Variants in AUTS2 observed in about 807,000 individuals in gnomAD.
AUTS2 encodes the protein autism susceptibility gene 2 protein.
In AUTS2, 17 loss-of-function variants were observed where a neutral mutation model predicts 112.4. The observed-to-expected ratio is 0.15, with a 90% CI of 0.10 to 0.23. AUTS2 has a LOEUF of 0.23. Among genes scored for constraint, AUTS2 ranks in the 10% least tolerant of loss-of-function variants. AUTS2 has a pLI of 1.00. For synonymous variants in AUTS2, 751 were observed against 702.7 expected (o/e 1.07, Z -1.09); for missense variants, 1,510 against 1,701.6 (o/e 0.89, Z 1.98).
chr7:70,018,224 C>T (rs114358009), intron 2 of AUTS2, among the ~76,000 whole-genome samples: 4,422 of 151,602 alleles, frequency 0.029, 242 homozygotes, highest in African/African-American at 0.1. Context: ...TTTTTTAACG[C>T]CTTTAACTAC....
intron 2 of AUTS2, 110 bp downstream of exon 2, chr7:69,899,608 C>A: frequency 9.9e-7 from 1 of 1,012,730 alleles, no homozygotes; most frequent in Non-Finnish European, 1.5e-6. Flanking sequence ...TGGTGGGATG[C>A]TGAAGTGGTT....
intron 1 of AUTS2, among the ~76,000 whole-genome samples, chr7:69,843,221 A>G (rs1407296620): frequency 1.3e-5 from 2 of 152,198 alleles, no homozygotes; most frequent in African/African-American, 4.8e-5. Flanking sequence ...AGAGGTGGTC[A>G]GGAAATATCT....
At chr7:69,967,219 TG>T (rs1402950951) in intron 2 of AUTS2, among the ~76,000 whole-genome samples, 1 of 152,178 alleles carries the variant, frequency 6.6e-6, no homozygotes, top group African/African-American at 2.4e-5. Context: ...AAATAATGTT[TG>T]GCCAGGTGTT....
At chr7:69,638,177 C>G (rs903518530) in intron 1 of AUTS2, among the ~76,000 whole-genome samples, 2 of 152,114 alleles carry the variant, frequency 1.3e-5, no homozygotes, top group East Asian at 3.9e-4. Flanking sequence ...TGCCACCGTG[C>G]CTGGCTAATT....
At chr7:70,401,826 C>A (rs1402514871) in intron 4 of AUTS2, among the ~76,000 whole-genome samples, 1 of 152,312 alleles carries the variant, frequency 6.6e-6, no homozygotes, top group South Asian at 2.1e-4. Context: ...GCAGTCCAGT[C>A]CCCCAGGAGT....
At chr7:70,563,296 A>G (rs1407463391) in intron 5 of AUTS2, among the ~76,000 whole-genome samples, 1 of 152,150 alleles carries the variant, frequency 6.6e-6, no homozygotes, top group Non-Finnish European at 1.5e-5. Flanking sequence ...AACTTTTACC[A>G]CTTAATGTTA....
chr7:70,756,466 T>G (rs970833938), intron 6 of AUTS2, among the ~76,000 whole-genome samples: 1 of 152,334 alleles, frequency 6.6e-6, no homozygotes, highest in African/African-American at 2.4e-5. Flanking sequence ...CGCATTCATT[T>G]TTTACTTTCT....
At chr7:69,867,225 G>A (rs1309075003) in intron 1 of AUTS2, among the ~76,000 whole-genome samples, 2 of 152,178 alleles carry the variant, frequency 1.3e-5, no homozygotes, top group Non-Finnish European at 2.9e-5. Context: ...TTGATGAGAT[G>A]GAGTTTGGGA....
intron 5 of AUTS2, among the ~76,000 whole-genome samples, chr7:70,590,727 T>C (rs987944069): frequency 6.6e-6 from 1 of 152,214 alleles, no homozygotes; most frequent in African/African-American, 2.4e-5. Flanking sequence ...GTGGCAGGAA[T>C]GTAGAAACAG....
At chr7:69,656,965 T>C (rs1427417090) in intron 1 of AUTS2, among the ~76,000 whole-genome samples, 1 of 152,214 alleles carries the variant, frequency 6.6e-6, no homozygotes, top group Non-Finnish European at 1.5e-5. Flanking sequence ...GCCAGATGAA[T>C]GGGAGGATCT....
rs906688587 is a variant in AUTS2, at chr7:70,698,675, T to A, written c.742+55T>A. The A allele has an allele frequency of 2.0e-5, 26 of 1,319,924 alleles. No individual in the cohort carries two copies. In the Middle Eastern group the frequency reaches 2.0e-3, roughly 101 times the overall value. The allele number at this position is 1,319,924 out of a possible 1,614,324, so 81.8% of individuals were successfully genotyped here. A position where few individuals can be genotyped will look rare whatever the true frequency, so the allele number is the denominator to read the frequency against. ...GCTTATTTTTATGTTAGTTTCATTG[T>A]CATTGCCTAGGAAGAAAGAAGAGCT... On this transcript the variant is annotated intron_variant, in intron 6 of 18. Coordinates refer to ENST00000342771, the MANE Select transcript of AUTS2 (RefSeq NM_015570.4).
At chr7:69,808,784 T>C (rs1790417896) in intron 1 of AUTS2, among the ~76,000 whole-genome samples, 1 of 152,190 alleles carries the variant, frequency 6.6e-6, no homozygotes, top group South Asian at 2.1e-4. Flanking sequence ...CTGAGGTTCT[T>C]GTCTCAAGAT....
At chr7:70,653,701 G>T (rs1280890616) in intron 5 of AUTS2, among the ~76,000 whole-genome samples, 1 of 152,198 alleles carries the variant, frequency 6.6e-6, no homozygotes, top group African/African-American at 2.4e-5. Context: ...GCTTGCCCAT[G>T]ATGGCTACTC....
intron 4 of AUTS2, among the ~76,000 whole-genome samples, chr7:70,228,346 A>G (rs541637545): frequency 6.6e-6 from 1 of 151,664 alleles, no homozygotes; most frequent in South Asian, 2.1e-4. Flanking sequence ...TTTAGAAAGC[A>G]TATCATTGGG....
rs10684332 is a variant in AUTS2 at position 69,730,019 on chromosome 7, T to TTTTTTTTTTTA, written c.309+130057_309+130058insTTTTTTTTTTA. Among the ~76,000 whole-genome samples, 71 of 132,046 alleles carry TTTTTTTTTTTA rather than the reference T, an allele frequency of 5.4e-4. 2 individuals are homozygous for TTTTTTTTTTTA. Among genetic ancestry groups the TTTTTTTTTTTA allele is most frequent in the East Asian group, 1.5e-3 (7 of 4,612 alleles). The allele number at this position is 132,046 out of a possible 152,430, so 86.6% of individuals were successfully genotyped here. On this transcript the variant is annotated intron_variant, in intron 1 of 18. Coordinates refer to ENST00000342771, the MANE Select transcript of AUTS2 (RefSeq NM_015570.4). The stretch of plus-strand genomic sequence containing the variant: ...ATTTTTTTTTTTTTTTTTTTTTTTT[T>TTTTTTTTTTTA]AGAAACTAGGTCTTCCTAAGTAAGT...
chr7:70,010,072 G>A (rs2129554097), intron 2 of AUTS2, among the ~76,000 whole-genome samples: 1 of 152,262 alleles, frequency 6.6e-6, no homozygotes, highest in East Asian at 1.9e-4. Flanking sequence ...CAAGTTATAT[G>A]ATGCTTATTT....
At chr7:70,137,784 G>A (rs1806648780) in intron 4 of AUTS2, among the ~76,000 whole-genome samples, 1 of 152,106 alleles carries the variant, frequency 6.6e-6, no homozygotes, top group African/African-American at 2.4e-5. Flanking sequence ...TCACACAATC[G>A]TGTGTGATGG....
rs369341585 is a variant in AUTS2 at position 69,847,893 on chromosome 7, A to T, written c.310-51393A>T. Among the ~76,000 whole-genome samples, 9 of 152,186 alleles carry T rather than the reference A, an allele frequency of 5.9e-5. No homozygotes were observed. In the East Asian group the frequency reaches 1.2e-3, roughly 20 times the overall value. ...CTTGCTCTATTCTCATCCAAGTACTAGGCGATCCTCCTTTTATCACTTCCC... is the reference window on the plus strand; with the variant it reads ...CTTGCTCTATTCTCATCCAAGTACTTGGCGATCCTCCTTTTATCACTTCCC... On this transcript the variant is annotated intron_variant, in intron 1 of 18. Coordinates refer to ENST00000342771, the MANE Select transcript of AUTS2 (RefSeq NM_015570.4).
At chr7:70,221,864 G>A (rs982740234) in intron 4 of AUTS2, among the ~76,000 whole-genome samples, 6 of 152,190 alleles carry the variant, frequency 3.9e-5, no homozygotes, top group African/African-American at 1.2e-4. Context: ...TCCAGCCTAG[G>A]TGACAAGAGC....
Sources: gnomAD v4.1 joint callset for allele counts (sites outside exome capture counted in the v4.1 genomes callset) on GRCh38, gnomAD v4.1.1 for gene constraint, MANE v1.5 for transcripts, NCBI Gene and HGNC (gene_info 2026-07-23, HGNC 2026-07-21) for gene names.